The following TCF3 variants were observed in gnomAD, a reference collection of about 807,000 sequenced individuals.
The protein encoded by TCF3 is transcription factor E2-alpha.
TCF3 carries 54 observed loss-of-function variants against 72.3 expected under a neutral mutation model. The observed-to-expected ratio is 0.75, with a 90% CI of 0.60 to 0.94. The LOEUF (loss-of-function observed/expected upper bound fraction) is 0.94. Ranked by LOEUF, TCF3 falls within the 40% of genes least tolerant of loss-of-function variation. The probability of loss-of-function intolerance (pLI) is 0.00; values close to 1 mark genes in which losing one functional copy is unlikely to be tolerated. For synonymous variants in TCF3, 525 were observed against 412.6 expected (o/e 1.27, Z -3.30); for missense variants, 1,078 against 934.4 (o/e 1.15, Z -2.00).
At chr19:1,646,454 G>C in intron 2 of TCF3, 27 bp from the exon 3 acceptor site, 2 of 1,546,890 alleles carry the variant, frequency 1.3e-6, no homozygotes, top group Non-Finnish European at 1.7e-6. Flanking sequence ...GGAGACGTGA[G>C]CGGGGCGGGT....
chr19:1,629,053 AAGGGGACAGCAGAGCTCACGGGGTGAG>A, intron 5 of TCF3, among the ~76,000 whole-genome samples: 2 of 68,388 alleles, frequency 2.9e-5, no homozygotes, highest in African/African-American at 1.6e-4. Flanking sequence ...GTGAGGCGGG[AAGGGGACAGCAGAGCTCACGGGGTGAG>A]GCGGGAAGGG....
intron 16 of TCF3, 93 bp downstream of exon 16, chr19:1,619,018 G>A: frequency 6.3e-7 from 1 of 1,575,346 alleles, no homozygotes. Flanking sequence ...GGTGACACCT[G>A]CCCTGGGCTC....
At chr19:1,625,890 C>T (rs575706579) in intron 6 of TCF3, among the ~76,000 whole-genome samples, 182 bp from the exon 7 acceptor site, 39 of 152,298 alleles carry the variant, frequency 2.6e-4, no homozygotes, top group African/African-American at 8.9e-4. Context: ...TGAGACTGAC[C>T]GCATCCCACA....
chr19:1,623,837 G>C (rs950156861), intron 8 of TCF3, 114 bp downstream of exon 8: 6 of 1,049,042 alleles, frequency 5.7e-6, no homozygotes, highest in South Asian at 1.5e-5. Context: ...AATCACAGGG[G>C]GCCTGTCCAC....
chr19:1,644,355 C>A (rs1016386632), intron 3 of TCF3, among the ~76,000 whole-genome samples: 4 of 151,520 alleles, frequency 2.6e-5, no homozygotes, highest in African/African-American at 9.7e-5. Flanking sequence ...CTCCACCACC[C>A]CCGGGCTCAG....
chr19:1,621,997 G>A lies in TCF3; in HGVS notation c.823-27C>T, dbSNP rs1019447593. 8.1e-6 allele frequency: 13 copies of A among 1,600,748 alleles called. No individual in the cohort carries two copies. The African/African-American group carries it at 1.1e-4, about 13-fold the overall frequency. On this transcript the variant is annotated intron_variant, in intron 10 of 18. Transcript: ENST00000262965. ...TGGGGGGTCAGGCAGGAGGAGGGTGGGTTAGATGGGCACTGCCACCCTCCG... is the reference window on the plus strand; with the variant it reads ...TGGGGGGTCAGGCAGGAGGAGGGTGAGTTAGATGGGCACTGCCACCCTCCG...
intron 5 of TCF3, among the ~76,000 whole-genome samples, chr19:1,631,731 TG>T (rs1251634131): frequency 6.6e-6 from 1 of 152,206 alleles, no homozygotes; most frequent in African/African-American, 2.4e-5. Flanking sequence ...CCAGCCCGGC[TG>T]ACCCCTCCCC....
intron 3 of TCF3, among the ~76,000 whole-genome samples, chr19:1,637,734 C>T (rs1279413666): frequency 6.6e-6 from 1 of 152,104 alleles, no homozygotes; most frequent in Non-Finnish European, 1.5e-5. Context: ...AGGGTGAAAC[C>T]CCCGTCTCTA....
chr19:1,627,490 TGC>T, intron 5 of TCF3, 64 bp from the exon 6 acceptor site: 1 of 1,477,126 alleles, frequency 6.8e-7, no homozygotes, highest in Admixed American at 1.8e-5. Context: ...GGCCCCCGAG[TGC>T]CTGCCATGTG....
At chr19:1,612,780 A>G (rs980814108) in intron 18 of TCF3, among the ~76,000 whole-genome samples, 1 of 150,048 alleles carries the variant, frequency 6.7e-6, no homozygotes, top group Non-Finnish European at 1.5e-5. Flanking sequence ...GTGTGGGTAC[A>G]CGGCTGGTGT....
intron 2 of TCF3, among the ~76,000 whole-genome samples, 169 bp from the exon 3 acceptor site, chr19:1,646,596 C>CT (rs2066136938): frequency 1.3e-5 from 2 of 152,284 alleles, no homozygotes; most frequent in South Asian, 4.1e-4. Flanking sequence ...CCAGAAGACT[C>CT]TGAGGACTCG....
chr19:1,622,340 T>C lies in TCF3; in HGVS notation c.625A>G (p.Thr209Ala). ...AYPSAKTPSSTYPAPFYVADG... is the reference protein window; with the variant it reads ...AYPSAKTPSSAYPAPFYVADG... The stretch of plus-strand genomic sequence containing the variant: ...GCCACGTAGAAGGGGGCGGGATAGG[T>C]GCTGCTGGGGGTCTTGGCGGACGGG... Residue 209 changes from threonine to alanine, a missense_variant, in exon 9 of 19, where the codon ACC becomes GCC. By Grantham distance (58) the Thr-to-Ala change is moderately conservative (BLOSUM62 0). Coordinates refer to ENST00000262965, the MANE Select transcript of TCF3 (RefSeq NM_003200.5). 4 of 1,529,842 alleles carry C rather than the reference T, an allele frequency of 2.6e-6. No homozygotes were observed. The highest frequency in any genetic ancestry group is 1.8e-4 in the Middle Eastern group (1 of 5,664). 94.8% of individuals were successfully genotyped at this position (1,529,842 alleles called of 1,614,324 possible).
At chr19:1,625,752 G>A (rs1207804402) in intron 6 of TCF3, 44 bp from the exon 7 acceptor site, 1 of 1,460,674 alleles carries the variant, frequency 6.8e-7, no homozygotes. Context: ...CTGGCATCCA[G>A]ACCCCAGGCT....
At chr19:1,638,138 C>G (rs1459942258) in intron 3 of TCF3, among the ~76,000 whole-genome samples, 6 of 152,190 alleles carry the variant, frequency 3.9e-5, no homozygotes, top group African/African-American at 1.4e-4. Flanking sequence ...CGTAACAAGA[C>G]AGGCACACAA....
Position 1,625,719 on chromosome 19 carries a change from G to A in TCF3, c.367-11C>T, listed in dbSNP as rs1227643045. On this transcript the variant is annotated splice_polypyrimidine_tract_variant and intron_variant, in intron 6 of 18. Transcript: ENST00000262965. ...TGACAGGAAGCCAGCCTGGTGGGGA[G>A]CGGATGGTCAGAAAGCGCCCAGCTG... 1 of 1,492,290 alleles carries A rather than the reference G, an allele frequency of 6.7e-7. No individual in the cohort carries two copies. Among genetic ancestry groups the A allele is most frequent in the Admixed American group, 2.8e-5 (1 of 36,084 alleles). The allele number at this position is 1,492,290 out of a possible 1,614,324, so 92.4% of individuals were successfully genotyped here.
chr19:1,631,634 G>A (rs1393827197), intron 5 of TCF3, among the ~76,000 whole-genome samples: 6 of 151,984 alleles, frequency 3.9e-5, no homozygotes, highest in Non-Finnish European at 5.9e-5. Flanking sequence ...GGCGGTCTGC[G>A]GAAGGGCATG....
chr19:1,610,522 C>A lies in TCF3; in HGVS notation c.*1185G>T, dbSNP rs1395717335. On this transcript the variant is annotated 3_prime_UTR_variant, in exon 19 of 19. Transcript: ENST00000262965. Reference sequence around the variant, plus strand: ...GTCCCTGGGGCAAAGGAGTGAAGGACAGGGTGTCCAGGAGGTCCCCAGCAC... The same window carrying A: ...GTCCCTGGGGCAAAGGAGTGAAGGAAAGGGTGTCCAGGAGGTCCCCAGCAC... 8.6e-6 allele frequency: 2 copies of A among 231,352 alleles called. No homozygotes were observed. Among genetic ancestry groups the A allele is most frequent in the Non-Finnish European group, 1.7e-5 (2 of 117,026 alleles). 14.3% of individuals were successfully genotyped at this position (231,352 alleles called of 1,614,324 possible).
intron 1 of TCF3, among the ~76,000 whole-genome samples, 158 bp downstream of exon 1, chr19:1,652,142 G>A (rs1189600649): frequency 1.4e-4 from 21 of 149,236 alleles, no homozygotes; most frequent in Non-Finnish European, 2.8e-4. Flanking sequence ...CGAAGTTGGA[G>A]AACAATGACT....
Position 1,621,141 on chromosome 19 carries a change from G to C in TCF3, c.1006C>G (p.Leu336Val), listed in dbSNP as rs925622080. The change falls in exon 12 of 19, where the codon CTG (leucine) becomes GTG (valine). Residue 336 changes from leucine to valine, a missense_variant. Leu to Val is a conservative substitution (Grantham distance 32, BLOSUM62 1). Transcript: ENST00000262965. Reference sequence around the variant, plus strand: ...CATGCCCCACGCCTCACCGAGGCCAGTGCTTTGCCGAGGGCATCCCCGGAG... The same window carrying C: ...CATGCCCCACGCCTCACCGAGGCCACTGCTTTGCCGAGGGCATCCCCGGAG... ...GSSGDALGKALASIYSPDHSS... is the reference protein window; with the variant it reads ...GSSGDALGKAVASIYSPDHSS... 1 of 1,541,856 alleles carries C rather than the reference G, an allele frequency of 6.5e-7. No homozygotes were observed. The highest frequency in any genetic ancestry group is 8.7e-7 in the Non-Finnish European group (1 of 1,145,406).
Sources: gnomAD v4.1 joint callset for allele counts (sites outside exome capture counted in the v4.1 genomes callset) on GRCh38, gnomAD v4.1.1 for gene constraint, MANE v1.5 for transcripts, NCBI Gene and HGNC (gene_info 2026-07-23, HGNC 2026-07-21) for gene names.